AFF2: variants seen among roughly 807,000 people sequenced by gnomAD.
AFF2 encodes ALF transcription elongation factor 2.
In AFF2, 14 loss-of-function variants were observed where a neutral mutation model predicts 76.9. The ratio of observed to expected loss-of-function variants is 0.18; its 90% CI spans 0.12 to 0.28. The LOEUF is 0.28. Among genes scored for constraint, AFF2 ranks in the 10% least tolerant of loss-of-function variants. AFF2 has a pLI of 1.00. For missense variants in AFF2, 868 were observed against 1,001.1 expected, an observed-to-expected ratio of 0.87 and a Z score of 1.79; for synonymous variants, 398 against 366.7, an observed-to-expected ratio of 1.09 and a Z score of -0.98.
At chrX:148,649,085 C>T (rs1557255987) in intron 1 of AFF2, among the ~76,000 whole-genome samples, 2 of 111,586 alleles carry the variant, frequency 1.8e-5, no homozygotes, top group Non-Finnish European at 3.8e-5. Flanking sequence ...CTTTGGAAAG[C>T]AGGCCTGGGT....
chrX:148,599,899 G>GTGTA (rs1266080758), intron 1 of AFF2, among the ~76,000 whole-genome samples: 5 of 111,553 alleles, frequency 4.5e-5, no homozygotes, highest in Non-Finnish European at 9.4e-5. Context: ...AATCATCTAA[G>GTGTA]TGCATGTATG....
chrX:148,541,419 T>A (rs17252118), intron 1 of AFF2, among the ~76,000 whole-genome samples: 1,809 of 111,680 alleles, frequency 0.016, 16 homozygotes, highest in Non-Finnish European at 0.025. Flanking sequence ...CTATGATGGA[T>A]GTGACAAGGG....
At chrX:148,739,832 G>A (rs1603291935) in intron 3 of AFF2, among the ~76,000 whole-genome samples, 2 of 111,783 alleles carry the variant, frequency 1.8e-5, no homozygotes, top group African/African-American at 6.5e-5. Context: ...AGTTCTTGTA[G>A]TGGTGGCTTG....
chrX:148,806,342 G>A (rs2070132969), intron 3 of AFF2, among the ~76,000 whole-genome samples: 1 of 112,047 alleles, frequency 8.9e-6, no homozygotes, highest in African/African-American at 3.2e-5. Flanking sequence ...GCCTCAGGTG[G>A]CCCCATCACT....
At chrX:148,964,621 T>A (rs1386510475) in intron 13 of AFF2, among the ~76,000 whole-genome samples, 2 of 110,825 alleles carry the variant, frequency 1.8e-5, no homozygotes, top group Admixed American at 9.6e-5. Context: ...AGAATGGGGG[T>A]TGCAAGCGCC....
At chrX:148,602,739 A>G (rs2124389513) in intron 1 of AFF2, among the ~76,000 whole-genome samples, 1 of 110,810 alleles carries the variant, frequency 9.0e-6, no homozygotes, top group South Asian at 3.8e-4. Flanking sequence ...GCCATGGAGC[A>G]GCCTTGGTTT....
intron 20 of AFF2, among the ~76,000 whole-genome samples, chrX:148,988,553 G>A (rs1484272445): frequency 8.9e-6 from 1 of 112,007 alleles, no homozygotes; most frequent in African/African-American, 3.2e-5. Flanking sequence ...CGTCCCAGAT[G>A]GATGATAGAG....
At chrX:148,932,808 A>T (rs550877624) in intron 9 of AFF2, among the ~76,000 whole-genome samples, 2 of 112,181 alleles carry the variant, frequency 1.8e-5, no homozygotes, top group African/African-American at 6.5e-5. Context: ...TTTTACATCT[A>T]TTCGCATTCA....
Position 148,704,300 on chromosome X carries a change from T to TTATATATATATGTGTGTATATATATTTA in AFF2, c.1041+41541_1041+41542insATGTGTGTATATATATTTATATATATAT. ...TATATATATGTGTGTATATATATAT[T>TTATATATATATGTGTGTATATATATTTA]TATATATATGTGTGTATATATATAT... On this transcript the variant is annotated intron_variant, in intron 3 of 20. Coordinates refer to ENST00000370460, the MANE Select transcript of AFF2 (RefSeq NM_002025.4). Among the ~76,000 whole-genome samples the TTATATATATATGTGTGTATATATATTTA allele has an allele frequency of 1.6e-4, 2 of 12,136 alleles. 1 individual carries two copies. Among genetic ancestry groups the TTATATATATATGTGTGTATATATATTTA allele is most frequent in the South Asian group, 7.6e-3 (2 of 262 alleles). The allele number at this position is 12,136 out of a possible 115,157, so 10.5% of individuals were successfully genotyped here. A position where few individuals can be genotyped will look rare whatever the true frequency, so the allele number is the denominator to read the frequency against.
At chrX:148,934,030 G>C (rs906979998) in intron 9 of AFF2, among the ~76,000 whole-genome samples, 1 of 111,798 alleles carries the variant, frequency 8.9e-6, no homozygotes, top group Admixed American at 9.5e-5. Flanking sequence ...AGAAATCCAG[G>C]TATGAGATCA....
At chrX:148,726,972 A>T (rs1211201889) in intron 3 of AFF2, among the ~76,000 whole-genome samples, 1 of 111,987 alleles carries the variant, frequency 8.9e-6, no homozygotes, top group Non-Finnish European at 1.9e-5. Context: ...CCTCCCACCC[A>T]AAAAAGATGT....
chrX:148,765,950 T>C (rs782766719), intron 3 of AFF2, among the ~76,000 whole-genome samples: 44 of 103,308 alleles, frequency 4.3e-4, no homozygotes, highest in African/African-American at 1.3e-3. Context: ...TGAGAAGATG[T>C]GGTGTTTGGT....
chrX:148,920,532 T>C (rs1483200840), intron 9 of AFF2, among the ~76,000 whole-genome samples: 3 of 111,460 alleles, frequency 2.7e-5, no homozygotes, highest in African/African-American at 9.8e-5. Flanking sequence ...TTTCTTAAAG[T>C]ATTGTCCATG....
intron 7 of AFF2, among the ~76,000 whole-genome samples, chrX:148,884,269 G>A (rs1357685476): frequency 8.9e-6 from 1 of 112,140 alleles, no homozygotes; most frequent in Non-Finnish European, 1.9e-5. Context: ...TCTAACAGTT[G>A]TCCTTCCCAG....
intron 3 of AFF2, among the ~76,000 whole-genome samples, chrX:148,688,844 G>A (rs1557260547): frequency 9.0e-6 from 1 of 111,600 alleles, no homozygotes; most frequent in Non-Finnish European, 1.9e-5. Context: ...TAACACAATG[G>A]TAAGTATTTG....
rs781878783 is a variant in AFF2, at chrX:148,787,229, G to T, written c.1042-22647G>T. Among the ~76,000 whole-genome samples, 19 of 111,443 alleles carry T rather than the reference G, an allele frequency of 1.7e-4. 1 individual carries two copies. Reference sequence around the variant, plus strand: ...TTACCTAGTCCGTGTGTAATGGAAAGAAATTAATGCACTGGTTTGGAATGG... The same window carrying T: ...TTACCTAGTCCGTGTGTAATGGAAATAAATTAATGCACTGGTTTGGAATGG... On this transcript the variant is annotated intron_variant, in intron 3 of 20. Transcript: ENST00000370460.
rs1474426282 is a variant in AFF2, at chrX:148,992,945, G to T, written c.*1613G>T. The T allele has an allele frequency of 1.8e-5, 2 of 112,597 alleles. No homozygotes were observed. Among genetic ancestry groups the T allele is most frequent in the African/African-American group, 6.5e-5 (2 of 30,871 alleles). 9.3% of individuals were successfully genotyped at this position (112,597 alleles called of 1,213,427 possible). A position where few individuals can be genotyped will look rare whatever the true frequency, so the allele number is the denominator to read the frequency against. Reference sequence around the variant, plus strand: ...CTGAGTTATGACCAGATAAATAATAGATATGCACATGAAAGATGCAAACTT... The same window carrying T: ...CTGAGTTATGACCAGATAAATAATATATATGCACATGAAAGATGCAAACTT... On this transcript the variant is annotated 3_prime_UTR_variant, in exon 21 of 21. Coordinates refer to ENST00000370460, the MANE Select transcript of AFF2 (RefSeq NM_002025.4).
At chrX:148,511,580 G>A (rs934704477) in intron 1 of AFF2, among the ~76,000 whole-genome samples, 1 of 112,701 alleles carries the variant, frequency 8.9e-6, no homozygotes, top group Non-Finnish European at 1.9e-5. Flanking sequence ...AATTTGGTAG[G>A]GAAAGAGGAT....
intron 9 of AFF2, among the ~76,000 whole-genome samples, chrX:148,915,995 G>C (rs1360725495): frequency 9.0e-6 from 1 of 110,966 alleles, no homozygotes; most frequent in African/African-American, 3.3e-5. Context: ...ACTAGAAAAA[G>C]CTATGTGTTT....
Sources: allele counts gnomAD v4.1 joint callset (sites outside exome capture counted in the v4.1 genomes callset), GRCh38; gene constraint gnomAD v4.1.1; transcripts MANE v1.5; gene names NCBI Gene and HGNC (gene_info 2026-07-23, HGNC 2026-07-21).